ITGB6: variants seen among roughly 807,000 people sequenced by gnomAD.
ITGB6 encodes the protein integrin beta-6.
ITGB6 carries 80 observed loss-of-function variants against 84.5 expected under a neutral mutation model. The observed-to-expected ratio is 0.95, with a 90% CI of 0.79 to 1.14. ITGB6 has a LOEUF of 1.14. Among genes scored for constraint, ITGB6 ranks in the 50% most tolerant of loss-of-function variants. The pLI is 0.00. For missense variants in ITGB6, 1,006 were observed against 968.0 expected, an observed-to-expected ratio of 1.04 and a Z score of -0.52; for synonymous variants, 383 against 354.9, an observed-to-expected ratio of 1.08 and a Z score of -0.89.
At chr2:160,163,416 G>A (rs569035049) in intron 7 of ITGB6, among the ~76,000 whole-genome samples, 1 of 152,260 alleles carries the variant, frequency 6.6e-6, no homozygotes, top group African/African-American at 2.4e-5. Context: ...TGGATCATTT[G>A]AGATCAGGAG....
chr2:160,107,731 C>A lies in ITGB6; in HGVS notation c.2216G>T (p.Arg739Leu), dbSNP rs757115141. ...TGCTTCAAATTTGGCAACTTCTTTA[C>A]GATCATGAAATGACACCAGTAGCTT... ...IWKLLVSFHD[R>L]KEVAKFEAER... Residue 739 changes from arginine to leucine, a missense_variant, in exon 14 of 15, where the codon CGT becomes CTT. Coordinates refer to ENST00000283249, the MANE Select transcript of ITGB6 (RefSeq NM_000888.5). The A allele has an allele frequency of 3.7e-6, 6 of 1,614,046 alleles. No individual in the cohort carries two copies. Among genetic ancestry groups the A allele is most frequent in the South Asian group, 1.1e-5 (1 of 91,064 alleles).
intron 10 of ITGB6, among the ~76,000 whole-genome samples, chr2:160,129,511 C>T (rs995243924): frequency 2.0e-5 from 3 of 151,904 alleles, no homozygotes; most frequent in Non-Finnish European, 4.4e-5. Context: ...GGTACCTGGC[C>T]CATAAATAAG....
rs150163379 is a variant in ITGB6, at chr2:160,123,871, T to C, written c.1901A>G (p.His634Arg). 3.0e-5 allele frequency: 48 copies of C among 1,613,610 alleles called. No homozygotes were observed. The African/African-American group carries it at 6.3e-4, about 21-fold the overall frequency. The change falls in exon 12 of 15, where the codon CAC (histidine) becomes CGC (arginine). Residue 634 changes from histidine (H) to arginine (R), a missense_variant. Transcript: ENST00000283249. ...CNSKRSCIEC[H>R]LSAAGQAREE... ...TCGGGCTTGGCCAGCTGCTGACAGG[T>C]GGCACTCAATGCAGCTCCTGTGGAC...
At chr2:160,160,354 G>A (rs13011504) in intron 7 of ITGB6, among the ~76,000 whole-genome samples, 6,818 of 152,196 alleles carry the variant, frequency 0.045, 192 homozygotes, top group Middle Eastern at 0.11. Flanking sequence ...CTTGACATTC[G>A]AATTTAACTG....
intron 11 of ITGB6, among the ~76,000 whole-genome samples, chr2:160,124,992 CT>C (rs535503781): frequency 2.2e-3 from 331 of 152,316 alleles, no homozygotes; most frequent in African/African-American, 7.4e-3. Context: ...ATCTCTTTGT[CT>C]TTGTGCATCT....
intron 4 of ITGB6, among the ~76,000 whole-genome samples, chr2:160,181,292 G>T (rs1223091556): frequency 5.9e-5 from 9 of 152,204 alleles, no homozygotes; most frequent in African/African-American, 1.7e-4. Flanking sequence ...GGACACTGGA[G>T]CTTGGTAGGG....
rs568056151 is a variant in ITGB6 at position 160,114,380 on chromosome 2, C to T, written c.1982-2181G>A. Among the ~76,000 whole-genome samples the T allele has an allele frequency of 1.2e-4, 18 of 152,238 alleles. No homozygotes were observed. The South Asian group carries it at 2.7e-3, about 23-fold the overall frequency. On this transcript the variant is annotated intron_variant, in intron 12 of 14. Coordinates refer to ENST00000283249, the MANE Select transcript of ITGB6 (RefSeq NM_000888.5). ...CCTTCCTTTGTGAATGTCTACAGTG[C>T]TGCTCTAGAATAATACAATGAAAAT...
intron 7 of ITGB6, among the ~76,000 whole-genome samples, chr2:160,165,055 C>G (rs778016539): frequency 6.6e-6 from 1 of 152,174 alleles, no homozygotes; most frequent in Non-Finnish European, 1.5e-5. Context: ...AAAATACTTT[C>G]CATTACACTT....
chr2:160,197,321 G>C (rs1686382728), intron 2 of ITGB6, among the ~76,000 whole-genome samples: 1 of 152,060 alleles, frequency 6.6e-6, no homozygotes, highest in Non-Finnish European at 1.5e-5. Flanking sequence ...GCTTTTCTGC[G>C]TGGGACACAG....
At chr2:160,126,745 G>T (rs181388043) in intron 10 of ITGB6, 144 bp from the exon 11 acceptor site, 9 of 687,994 alleles carry the variant, frequency 1.3e-5, no homozygotes, top group South Asian at 9.4e-5. Context: ...TGTGTGAGGG[G>T]TGCAGTATGA....
At chr2:160,152,665 T>C (rs1011642625) in intron 7 of ITGB6, among the ~76,000 whole-genome samples, 2 of 152,190 alleles carry the variant, frequency 1.3e-5, no homozygotes, top group Admixed American at 1.3e-4. Context: ...ATTTTCCCTG[T>C]TTGCAGATGA....
chr2:160,178,666 A>C (rs1202526591), intron 4 of ITGB6, among the ~76,000 whole-genome samples: 2 of 139,090 alleles, frequency 1.4e-5, no homozygotes, highest in Non-Finnish European at 3.1e-5. Flanking sequence ...TTTTCTCTCT[A>C]TCTTTCTCTC....
Position 160,137,746 on chromosome 2 carries a change from G to T in ITGB6, c.1348C>A (p.Pro450Thr). The T allele has an allele frequency of 6.2e-7, 1 of 1,614,126 alleles. No homozygotes were observed. Among genetic ancestry groups the T allele is most frequent in the Non-Finnish European group, 8.5e-7 (1 of 1,180,028 alleles). ...TTCTGACAGTCGCAGTTGCATTCTG[G>T]GCTGACAAGTAATTCCAGGGCATCC... Reference protein sequence around the residue: ...LGDALELLVSPECNCDCQKEV... With the variant: ...LGDALELLVSTECNCDCQKEV... Residue 450 changes from proline (P) to threonine (T), a missense_variant, in exon 10 of 15, where the codon CCA becomes ACA. By Grantham distance (38) the Pro-to-Thr change is conservative. Transcript: ENST00000283249.
chr2:160,181,683 C>T (rs1435332365), intron 4 of ITGB6, among the ~76,000 whole-genome samples: 2 of 152,236 alleles, frequency 1.3e-5, no homozygotes, highest in Non-Finnish European at 2.9e-5. Flanking sequence ...ACCCTCGTGC[C>T]TCCTGACTGG....
intron 4 of ITGB6, among the ~76,000 whole-genome samples, chr2:160,177,858 TAAAA>T (rs1360823286): frequency 6.6e-6 from 1 of 151,082 alleles, no homozygotes; most frequent in Non-Finnish European, 1.5e-5. Context: ...GGATTTAGAA[TAAAA>T]AGAGCGAACA....
chr2:160,108,638 C>A (rs764491823), intron 13 of ITGB6, among the ~76,000 whole-genome samples: 12 of 152,166 alleles, frequency 7.9e-5, no homozygotes, highest in Non-Finnish European at 1.8e-4. Context: ...GCTTCCTGGA[C>A]CCCTTCCCCA....
chr2:160,184,603 G>C (rs1685818779), intron 4 of ITGB6, among the ~76,000 whole-genome samples: 1 of 152,186 alleles, frequency 6.6e-6, no homozygotes, highest in Non-Finnish European at 1.5e-5. Flanking sequence ...AATAGAAAAA[G>C]AGGGAATCCT....
chr2:160,167,734 G>A (rs1347848926), intron 7 of ITGB6, among the ~76,000 whole-genome samples: 1 of 152,142 alleles, frequency 6.6e-6, no homozygotes, highest in Non-Finnish European at 1.5e-5. Context: ...TTTTAATAGC[G>A]GTTTTGGGGA....
chr2:160,185,891 A>G (rs2105886511), intron 4 of ITGB6, among the ~76,000 whole-genome samples: 1 of 152,318 alleles, frequency 6.6e-6, no homozygotes, highest in East Asian at 1.9e-4. Flanking sequence ...CTACTTAATA[A>G]ATGGTGTTGG....
Sources: allele counts gnomAD v4.1 joint callset (sites outside exome capture counted in the v4.1 genomes callset), GRCh38; gene constraint gnomAD v4.1.1; transcripts MANE v1.5; gene names NCBI Gene and HGNC (gene_info 2026-07-23, HGNC 2026-07-21).